ARHGAP10: variants seen among roughly 807,000 people sequenced by gnomAD.
The protein encoded by ARHGAP10 is Rho GTPase activating protein 10.
ARHGAP10 carries 87 observed loss-of-function variants against 108.6 expected under a neutral mutation model. The ratio of observed to expected loss-of-function variants is 0.80; its 90% confidence interval spans 0.67 to 0.96. The LOEUF is 0.96. ARHGAP10 is among the 40% of genes least tolerant of loss of function. The probability of loss-of-function intolerance (pLI) is 0.00; values close to 1 mark genes in which losing one functional copy is unlikely to be tolerated. For synonymous variants in ARHGAP10, 347 were observed against 341.1 expected, an observed-to-expected ratio of 1.02 and a Z score of -0.19; for missense variants, 939 against 954.5, an observed-to-expected ratio of 0.98 and a Z score of 0.21.
At chr4:148,029,314 C>A (rs781235763) in intron 19 of ARHGAP10, among the ~76,000 whole-genome samples, 5 of 152,184 alleles carry the variant, frequency 3.3e-5, no homozygotes, top group Non-Finnish European at 7.3e-5. Flanking sequence ...TCTAGTGAGA[C>A]CCTTCATTAG....
intron 18 of ARHGAP10, among the ~76,000 whole-genome samples, chr4:147,999,252 A>G (rs1012571757): frequency 6.6e-6 from 1 of 152,258 alleles, no homozygotes; most frequent in Non-Finnish European, 1.5e-5. Flanking sequence ...CCAATCATCT[A>G]TCACCTGAGA....
chr4:147,840,918 G>C (rs1733387588), intron 3 of ARHGAP10, among the ~76,000 whole-genome samples: 1 of 152,204 alleles, frequency 6.6e-6, no homozygotes, highest in Non-Finnish European at 1.5e-5. Flanking sequence ...TAAGAGCATT[G>C]TTTTGCCATG....
intron 18 of ARHGAP10, among the ~76,000 whole-genome samples, chr4:148,009,266 G>A (rs1019354779): frequency 1.4e-4 from 21 of 152,006 alleles, no homozygotes; most frequent in African/African-American, 5.1e-4. Flanking sequence ...CATGTAGCTG[G>A]GATTACAGGT....
At chr4:147,989,484 A>G (rs1423190617) in intron 18 of ARHGAP10, among the ~76,000 whole-genome samples, 2 of 152,144 alleles carry the variant, frequency 1.3e-5, no homozygotes, top group African/African-American at 2.4e-5. Context: ...CTTGACCATA[A>G]GAGACAGGTA....
rs374794611 is a variant in ARHGAP10 at position 148,064,470 on chromosome 4, G to A, written c.2235G>A (p.Ser745=). 71 of 1,614,012 alleles carry A rather than the reference G, an allele frequency of 4.4e-5. No homozygotes were observed. The highest frequency in any genetic ancestry group is 3.3e-4 in the Middle Eastern group (2 of 6,084). The change falls in exon 22 of 23, where the codon TCG becomes TCA. Residue 745 remains serine, a synonymous_variant. Coordinates refer to ENST00000336498, the MANE Select transcript of ARHGAP10 (RefSeq NM_024605.4). ...AVYPCEAEHS[S]ELSFEIGAIF... is the part of the protein sequence containing the mutation. The stretch of plus-strand genomic sequence containing the variant: ...ATCCGTGTGAAGCAGAACACAGCTC[G>A]GAATTATCTTTTGAAATAGGAGCAA...
chr4:147,812,486 T>C (rs1732071189), intron 1 of ARHGAP10, among the ~76,000 whole-genome samples: 1 of 152,096 alleles, frequency 6.6e-6, no homozygotes, highest in African/African-American at 2.4e-5. Flanking sequence ...TTTCCTTCCT[T>C]CTTTCCTCCT....
At chr4:147,813,927 T>C (rs755712380) in intron 1 of ARHGAP10, among the ~76,000 whole-genome samples, 6 of 152,246 alleles carry the variant, frequency 3.9e-5, no homozygotes, top group Non-Finnish European at 5.9e-5. Flanking sequence ...TGATATAAAT[T>C]TAACTCACTT....
intron 3 of ARHGAP10, among the ~76,000 whole-genome samples, chr4:147,824,343 C>T (rs905439350): frequency 4.0e-5 from 6 of 151,508 alleles, no homozygotes; most frequent in African/African-American, 1.5e-4. Context: ...AATACGGATT[C>T]TTTTTTCTAT....
intron 20 of ARHGAP10, among the ~76,000 whole-genome samples, chr4:148,060,656 G>C (rs1016667938): frequency 3.3e-5 from 5 of 152,106 alleles, no homozygotes; most frequent in African/African-American, 1.2e-4. Flanking sequence ...CTCCAGCCTT[G>C]CACGTTGCCC....
chr4:147,959,365 T>C (rs890074777), intron 16 of ARHGAP10, among the ~76,000 whole-genome samples: 1 of 152,128 alleles, frequency 6.6e-6, no homozygotes, highest in Non-Finnish European at 1.5e-5. Flanking sequence ...ATTTTTCTTT[T>C]TTTAAATTTT....
At chr4:147,840,093 T>C (rs952488645) in intron 3 of ARHGAP10, among the ~76,000 whole-genome samples, 1 of 152,110 alleles carries the variant, frequency 6.6e-6, no homozygotes, top group African/African-American at 2.4e-5. Context: ...CTTGGCCAGC[T>C]TTCTCCCAGT....
chr4:147,760,179 T>G (rs1467165278), intron 1 of ARHGAP10, among the ~76,000 whole-genome samples: 1 of 152,054 alleles, frequency 6.6e-6, no homozygotes, highest in Non-Finnish European at 1.5e-5. Context: ...CTCTTCCATT[T>G]TGGGAGGATA....
At chr4:148,013,741 G>A (rs2149656346) in intron 18 of ARHGAP10, among the ~76,000 whole-genome samples, 1 of 152,272 alleles carries the variant, frequency 6.6e-6, no homozygotes, top group African/African-American at 2.4e-5. Context: ...GTCATGGCTT[G>A]TATTCCAAAA....
chr4:147,769,928 G>A (rs1472392113), intron 1 of ARHGAP10, among the ~76,000 whole-genome samples: 3 of 152,200 alleles, frequency 2.0e-5, no homozygotes, highest in African/African-American at 7.2e-5. Flanking sequence ...ACTTCATTGA[G>A]CTAAGAATAA....
intron 1 of ARHGAP10, among the ~76,000 whole-genome samples, chr4:147,796,236 C>CCTAT (rs1258253622): frequency 6.6e-6 from 1 of 152,072 alleles, no homozygotes; most frequent in Non-Finnish European, 1.5e-5. Context: ...TTGCTGGGTC[C>CCTAT]CATGCAATAG....
At chr4:147,878,416 A>G (rs1047507838) in intron 8 of ARHGAP10, among the ~76,000 whole-genome samples, 22 of 152,110 alleles carry the variant, frequency 1.4e-4, no homozygotes, top group African/African-American at 5.1e-4. Context: ...TTTAAAGGCT[A>G]GCTTTCAATC....
intron 19 of ARHGAP10, among the ~76,000 whole-genome samples, chr4:148,045,931 T>C (rs1728863089): frequency 6.6e-6 from 1 of 152,164 alleles, no homozygotes; most frequent in Non-Finnish European, 1.5e-5. Context: ...TTTGCTTCCA[T>C]AGCAGTTTAG....
At chr4:148,027,625 C>T (rs971484610) in intron 19 of ARHGAP10, among the ~76,000 whole-genome samples, 1 of 152,134 alleles carries the variant, frequency 6.6e-6, no homozygotes, top group Non-Finnish European at 1.5e-5. Context: ...TCTCTAAAAT[C>T]AGAGTAGGAC....
rs574059496 is a variant in ARHGAP10 at position 147,889,663 on chromosome 4, C to G, written c.1034+7731C>G. 6.3e-5 allele frequency among the ~76,000 whole-genome samples: 4 copies of G among 63,080 alleles called. No homozygotes were observed. In the South Asian group the frequency reaches 3.0e-3, roughly 48 times the overall value. The allele number at this position is 63,080 out of a possible 152,430, so 41.4% of individuals were successfully genotyped here. A position where few individuals can be genotyped will look rare whatever the true frequency, so the allele number is the denominator to read the frequency against. On this transcript the variant is annotated intron_variant, in intron 10 of 22. Transcript: ENST00000336498. ...ATTGTATATGTCTAATGTAAACATA[C>G]TTTGTCTTCTTTACAAGTATCTGTT...
Sources: gnomAD v4.1 joint callset for allele counts (sites outside exome capture counted in the v4.1 genomes callset) on GRCh38, gnomAD v4.1.1 for gene constraint, MANE v1.5 for transcripts, NCBI Gene and HGNC (gene_info 2026-07-23, HGNC 2026-07-21) for gene names.